Variants in MDGA2 observed in about 807,000 individuals in gnomAD.
The protein encoded by MDGA2 is MAM domain-containing glycosylphosphatidylinositol anchor protein 2.
MDGA2 carries 40 observed loss-of-function variants against 117.8 expected under a neutral mutation model. The ratio of observed to expected loss-of-function variants is 0.34; its 90% CI spans 0.26 to 0.44. The LOEUF (loss-of-function observed/expected upper bound fraction) is 0.44. MDGA2 is among the 20% of genes least tolerant of loss of function. MDGA2 has a pLI of 1.00. For synonymous variants in MDGA2, 452 were observed against 439.0 expected (o/e 1.03, Z -0.37); for missense variants, 1,123 against 1,250.6 (o/e 0.90, Z 1.54).
intron 9 of MDGA2, among the ~76,000 whole-genome samples, chr14:46,933,441 A>C (rs1461530641): frequency 1.3e-5 from 2 of 151,912 alleles, no homozygotes; most frequent in Non-Finnish European, 2.9e-5. Flanking sequence ...ATAATACACA[A>C]ATTATTATTT....
chr14:46,975,876 G>T (rs1295180263), intron 8 of MDGA2, among the ~76,000 whole-genome samples: 1 of 152,048 alleles, frequency 6.6e-6, no homozygotes, highest in Non-Finnish European at 1.5e-5. Context: ...CTCGCATGTG[G>T]AAGGAGCAAG....
chr14:47,119,805 AC>A (rs879463928), intron 5 of MDGA2, among the ~76,000 whole-genome samples: 3 of 152,158 alleles, frequency 2.0e-5, no homozygotes, highest in Admixed American at 2.0e-4. Flanking sequence ...TAAATAAAGA[AC>A]CCATATTACC....
intron 1 of MDGA2, among the ~76,000 whole-genome samples, chr14:47,319,616 C>G (rs569362508): frequency 6.6e-6 from 1 of 152,204 alleles, no homozygotes; most frequent in South Asian, 2.1e-4. Flanking sequence ...GCTTTATTTT[C>G]CATGATAGAG....
chr14:47,204,125 GCATACTAAGACTGGAGT>G (rs1885601706), intron 3 of MDGA2, among the ~76,000 whole-genome samples: 1 of 151,948 alleles, frequency 6.6e-6, no homozygotes, highest in Non-Finnish European at 1.5e-5. Context: ...AATTTTTTAT[GCATACTAAGACTGGAGT>G]CATTCCACTT....
intron 1 of MDGA2, among the ~76,000 whole-genome samples, chr14:47,381,370 A>G (rs145935180): frequency 0.012 from 1,848 of 152,052 alleles, 21 homozygotes; most frequent in Middle Eastern, 0.041. Context: ...GGGCAATCAG[A>G]CAGGAGAAAG....
intron 4 of MDGA2, among the ~76,000 whole-genome samples, chr14:47,142,621 TA>T (rs1160918018): frequency 1.3e-5 from 2 of 152,144 alleles, no homozygotes; most frequent in African/African-American, 4.8e-5. Flanking sequence ...AATAGAAAAA[TA>T]AAATATGTAA....
At chr14:47,555,744 C>G (rs1693447517) in intron 1 of MDGA2, among the ~76,000 whole-genome samples, 1 of 152,114 alleles carries the variant, frequency 6.6e-6, no homozygotes, top group Non-Finnish European at 1.5e-5. Flanking sequence ...ACAAAAACTC[C>G]ACTAGATTTC....
chr14:47,035,759 G>C (rs1418871831), intron 7 of MDGA2, among the ~76,000 whole-genome samples: 2 of 152,058 alleles, frequency 1.3e-5, no homozygotes, highest in East Asian at 1.9e-4. Flanking sequence ...CTAAGATTTA[G>C]GATTTGTTTT....
chr14:46,977,237 T>G (rs987026336), intron 8 of MDGA2, among the ~76,000 whole-genome samples: 1 of 151,848 alleles, frequency 6.6e-6, no homozygotes. Context: ...TTCTTCTCTT[T>G]TTTTTTAAAA....
intron 3 of MDGA2, among the ~76,000 whole-genome samples, chr14:47,158,269 T>C (rs1883482306): frequency 6.6e-6 from 1 of 152,120 alleles, no homozygotes; most frequent in Non-Finnish European, 1.5e-5. Context: ...TGTAGTGGGC[T>C]ATACCATCTA....
At chr14:47,243,586 C>A (rs529959060) in intron 2 of MDGA2, among the ~76,000 whole-genome samples, 5 of 151,310 alleles carry the variant, frequency 3.3e-5, no homozygotes, top group Non-Finnish European at 7.4e-5. Flanking sequence ...ACTCCAGACG[C>A]GCTACCTTAA....
chr14:47,218,090 G>A lies in MDGA2; in HGVS notation c.526C>T (p.Arg176Trp), dbSNP rs1021338953. 2.6e-6 allele frequency: 4 copies of A among 1,551,120 alleles called. No homozygotes were observed. The highest frequency in any genetic ancestry group is 1.4e-5 in the African/African-American group (1 of 73,026). Residue 176 changes from arginine (R) to tryptophan (W), a missense_variant, in exon 3 of 17, where the codon CGG (arginine) becomes TGG (tryptophan). Arg to Trp is a moderately radical substitution (Grantham distance 101, BLOSUM62 -3). Around this residue, in one of 2 missense-constraint regions of MDGA2, gnomAD observed 890 missense variants for 1,050.3 expected, o/e 0.85. Transcript: ENST00000399232. Reference sequence around the variant, plus strand: ...CCATTCTCTGCTTTACAGTAATACCGGCCTCCTTGGTGTCGCTGAATATTT... The same window carrying A: ...CCATTCTCTGCTTTACAGTAATACCAGCCTCCTTGGTGTCGCTGAATATTT... ...ITNIQRHQGGRYYCKAENGLG... is the reference protein window; with the variant it reads ...ITNIQRHQGGWYYCKAENGLG...
intron 2 of MDGA2, among the ~76,000 whole-genome samples, chr14:47,230,987 TTAA>T (rs2139569914): frequency 6.6e-6 from 1 of 152,108 alleles, no homozygotes; most frequent in African/African-American, 2.4e-5. Context: ...TGAATAAAGC[TTAA>T]AAAGATAAGA....
At chr14:46,861,184 T>C (rs1881492181) in intron 14 of MDGA2, among the ~76,000 whole-genome samples, 1 of 151,870 alleles carries the variant, frequency 6.6e-6, no homozygotes, top group African/African-American at 2.4e-5. Flanking sequence ...TTAAAAAACA[T>C]TAAAAGAATA....
chr14:47,612,071 T>G (rs897216708), intron 1 of MDGA2, among the ~76,000 whole-genome samples: 4 of 152,166 alleles, frequency 2.6e-5, no homozygotes, highest in African/African-American at 9.6e-5. Flanking sequence ...ACTCCGGCTA[T>G]CTTATCTGGC....
chr14:47,251,624 A>G (rs976931126), intron 2 of MDGA2, among the ~76,000 whole-genome samples: 1 of 152,184 alleles, frequency 6.6e-6, no homozygotes, highest in Non-Finnish European at 1.5e-5. Flanking sequence ...TACAGCTACC[A>G]CAAATAAATA....
intron 1 of MDGA2, among the ~76,000 whole-genome samples, chr14:47,572,644 T>C (rs938853311): frequency 6.6e-6 from 1 of 152,198 alleles, no homozygotes; most frequent in Non-Finnish European, 1.5e-5. Context: ...ATGTCTTCTC[T>C]AGGTCCTCTG....
chr14:47,054,168 T>A (rs1889579326), intron 7 of MDGA2, among the ~76,000 whole-genome samples: 1 of 151,998 alleles, frequency 6.6e-6, no homozygotes, highest in African/African-American at 2.4e-5. Context: ...ACACACAATC[T>A]GCAGAATGTT....
chr14:47,378,374 T>G (rs562355775), intron 1 of MDGA2, among the ~76,000 whole-genome samples: 1 of 152,140 alleles, frequency 6.6e-6, no homozygotes, highest in East Asian at 1.9e-4. Context: ...ATTTGATGAG[T>G]TGAGTGAATA....
Sources: gnomAD v4.1 joint callset for allele counts (sites outside exome capture counted in the v4.1 genomes callset) on GRCh38, gnomAD v4.1.1 for gene constraint, gnomAD v4.1.1 regional missense constraint, MANE v1.5 for transcripts, NCBI Gene and HGNC (gene_info 2026-07-23, HGNC 2026-07-21) for gene names.